The following FRY variants were observed in gnomAD, a reference collection of about 807,000 sequenced individuals.
FRY encodes protein furry homolog.
FRY carries 128 observed loss-of-function variants against 348.4 expected under a neutral mutation model. The ratio of observed to expected loss-of-function variants is 0.37; its 90% confidence interval spans 0.32 to 0.43. The LOEUF (loss-of-function observed/expected upper bound fraction) is 0.43, where lower values mean the gene tolerates loss of function less well. Among genes scored for constraint, FRY ranks in the 20% least tolerant of loss-of-function variants. FRY has a pLI of 1.00. For synonymous variants in FRY, 1,370 were observed against 1,374.7 expected (o/e 1.00, Z 0.08); for missense variants, 2,736 against 3,695.2 (o/e 0.74, Z 6.73).
chr13:32,042,624 C>T (rs1161538909), intron 1 of FRY, among the ~76,000 whole-genome samples: 1 of 152,144 alleles, frequency 6.6e-6, no homozygotes, highest in East Asian at 1.9e-4. Flanking sequence ...CACAGGATGG[C>T]CACCTCAGTT....
rs1051709338 is a variant in FRY at position 32,202,055 on chromosome 13, C to T, written c.3846+15C>T. On this transcript the variant is annotated intron_variant, in intron 30 of 60. Transcript: ENST00000542859. Reference sequence around the variant, plus strand: ...AGCTCATGCAGGCACGTATCATTTACTGGCATAGAAAATATCCATCCTTGA... The same window carrying T: ...AGCTCATGCAGGCACGTATCATTTATTGGCATAGAAAATATCCATCCTTGA... 5.7e-6 allele frequency: 8 copies of T among 1,415,152 alleles called. No individual in the cohort carries two copies. Among genetic ancestry groups the T allele is most frequent in the South Asian group, 1.2e-5 (1 of 86,954 alleles). 87.7% of individuals were successfully genotyped at this position (1,415,152 alleles called of 1,614,324 possible).
intron 1 of FRY, among the ~76,000 whole-genome samples, chr13:32,075,531 C>A (rs1164741975): frequency 6.6e-6 from 1 of 152,206 alleles, no homozygotes; most frequent in Non-Finnish European, 1.5e-5. Flanking sequence ...CAAGCAAATG[C>A]TGTGAGAGGG....
chr13:32,277,677 T>C (rs17592921), intron 57 of FRY, among the ~76,000 whole-genome samples: 1 of 152,210 alleles, frequency 6.6e-6, no homozygotes, highest in Non-Finnish European at 1.5e-5. Flanking sequence ...TTGGGGTTTG[T>C]TTATTGCTAT....
intron 1 of FRY, among the ~76,000 whole-genome samples, chr13:32,049,484 G>C (rs185206085): frequency 2.5e-4 from 38 of 152,262 alleles, no homozygotes; most frequent in African/African-American, 9.1e-4. Context: ...CTGTCGGCTG[G>C]AGTGCAGTGG....
At chr13:32,117,694 CT>C (rs1445847736) in intron 4 of FRY, among the ~76,000 whole-genome samples, 2 of 152,172 alleles carry the variant, frequency 1.3e-5, no homozygotes, top group Non-Finnish European at 2.9e-5. Flanking sequence ...TTTATTTCAA[CT>C]TTGGTGGAGA....
rs530123349 is a variant in FRY, at chr13:32,061,765, C to G, written c.71-17069C>G. The stretch of plus-strand genomic sequence containing the variant: ...ACATTAAATGGGTCCAAATTGCATG[C>G]CACTGCTTTTCCTTTATCAGACAAT... On this transcript the variant is annotated intron_variant, in intron 1 of 60. Transcript: ENST00000542859. 7.2e-5 allele frequency among the ~76,000 whole-genome samples: 11 copies of G among 152,244 alleles called. 1 individual carries two copies. The highest frequency in any genetic ancestry group is 2.6e-4 in the African/African-American group (11 of 41,566).
intron 3 of FRY, among the ~76,000 whole-genome samples, chr13:32,115,061 A>G (rs557079493): frequency 2.0e-5 from 3 of 152,342 alleles, no homozygotes; most frequent in African/African-American, 7.2e-5. Context: ...TCATAACTAA[A>G]GATAATGTAC....
intron 55 of FRY, among the ~76,000 whole-genome samples, chr13:32,270,365 G>A (rs752226166): frequency 8.5e-5 from 13 of 152,048 alleles, no homozygotes; most frequent in Admixed American, 3.9e-4. Flanking sequence ...GCACCACTAC[G>A]CCCAGCTAAT....
intron 48 of FRY, 51 bp from the exon 49 acceptor site, chr13:32,249,475 A>G (rs371005387): frequency 4.4e-6 from 7 of 1,595,430 alleles, no homozygotes; most frequent in African/African-American, 1.3e-5. Context: ...AGGGTTTCAT[A>G]TATCACAAAA....
chr13:32,116,492 A>G (rs1416696129), intron 3 of FRY, among the ~76,000 whole-genome samples: 7 of 152,154 alleles, frequency 4.6e-5, no homozygotes, highest in African/African-American at 1.4e-4. Context: ...CATTATATGA[A>G]ATTTTATCAT....
chr13:32,192,710 C>G (rs1387403366), intron 28 of FRY, among the ~76,000 whole-genome samples: 2 of 146,130 alleles, frequency 1.4e-5, no homozygotes, highest in African/African-American at 5.0e-5. Context: ...GAAGAGTGAA[C>G]AACTTTAAGA....
At position 32,278,449 on chromosome 13, in the gene FRY, C is replaced by G; in HGVS notation, c.8386-16C>G. 7.1e-7 allele frequency: 1 copy of G among 1,417,202 alleles called. No individual in the cohort carries two copies. Among genetic ancestry groups the G allele is most frequent in the South Asian group, 1.1e-5 (1 of 87,016 alleles). The allele number at this position is 1,417,202 out of a possible 1,614,324, so 87.8% of individuals were successfully genotyped here. A position where few individuals can be genotyped will look rare whatever the true frequency, so the allele number is the denominator to read the frequency against. ...ATTGCTGAATTTACCTATGTCTTTC[C>G]CTCTCTTTCTGACAGTGGCTTGCAA... On this transcript the variant is annotated splice_polypyrimidine_tract_variant and intron_variant, in intron 57 of 60. Transcript: ENST00000542859.
At position 32,146,312 on chromosome 13, in the gene FRY, TTTG is replaced by T. The variant is rs752935591; in HGVS notation, c.1180-958_1180-956del. 9.9e-5 allele frequency among the ~76,000 whole-genome samples: 15 copies of T among 152,212 alleles called. No homozygotes were observed. The East Asian group carries it at 1.2e-3, about 12-fold the overall frequency. ...TGGATTTAAGGTTCATCTGAGTTTT[TTTG>T]TTGTTGTTGTTTGTTTTTGTTTTTG... On this transcript the variant is annotated intron_variant, in intron 11 of 60. Transcript: ENST00000542859.
intron 2 of FRY, among the ~76,000 whole-genome samples, chr13:32,082,257 CACA>C (rs1385547042): frequency 6.7e-6 from 1 of 149,852 alleles, no homozygotes; most frequent in Non-Finnish European, 1.5e-5. Context: ...AAAAATGTTC[CACA>C]AAACAAATTT....
chr13:32,190,435 G>A (rs1265523701), intron 28 of FRY, among the ~76,000 whole-genome samples: 2 of 152,102 alleles, frequency 1.3e-5, no homozygotes, highest in East Asian at 3.8e-4. Flanking sequence ...TAGATAAAGT[G>A]TTGGAATTAA....
rs201081873 is a variant in FRY at position 32,187,587 on chromosome 13, T to C, written c.3522T>C (p.Asn1174=). The change falls in exon 28 of 61, where the codon AAT becomes AAC. Residue 1174 remains asparagine, a synonymous_variant. Transcript: ENST00000542859. ...AVLCCGPVFD[N]VGLSPDGYLY... Reference sequence around the variant, plus strand: ...TGTGCTGTGGCCCTGTCTTTGACAATGTGGGCCTTTCCCCAGATGGCTACC... The same window carrying C: ...TGTGCTGTGGCCCTGTCTTTGACAACGTGGGCCTTTCCCCAGATGGCTACC... 3.7e-6 allele frequency: 6 copies of C among 1,612,652 alleles called. No individual in the cohort carries two copies. The highest frequency in any genetic ancestry group is 4.5e-5 in the East Asian group (2 of 44,854).
chr13:32,228,199 A>T (rs1885701108), intron 39 of FRY, among the ~76,000 whole-genome samples: 2 of 152,244 alleles, frequency 1.3e-5, no homozygotes, highest in Non-Finnish European at 2.9e-5. Context: ...GAAAGTATCA[A>T]CTAAAATAGC....
At position 32,247,382 on chromosome 13, in the gene FRY, C is replaced by G. The variant is rs779228799; in HGVS notation, c.6888C>G (p.Ser2296Arg). The change falls in exon 48 of 61, where the codon AGC (serine) becomes AGG (arginine). Residue 2296 changes from serine (S) to arginine (R), a missense_variant. Around this residue, in one of 9 missense-constraint regions of FRY, gnomAD observed 789 missense variants for 996.2 expected, o/e 0.79. Transcript: ENST00000542859. The stretch of plus-strand genomic sequence containing the variant: ...AGCTGGTAGTTTCTCGGTCAGCCAG[C>G]CTTGTTTTACCTTCATACCAGCACA... The part of the protein sequence containing the change: ...ILKLVVSRSA[S>R]LVLPSYQHSD... 6.2e-7 allele frequency: 1 copy of G among 1,613,392 alleles called. No homozygotes were observed. The highest frequency in any genetic ancestry group is 8.5e-7 in the Non-Finnish European group (1 of 1,179,364).
At chr13:32,105,683 T>C (rs2138647815) in intron 3 of FRY, among the ~76,000 whole-genome samples, 1 of 152,292 alleles carries the variant, frequency 6.6e-6, no homozygotes, top group East Asian at 1.9e-4. Flanking sequence ...GTAGGAGTAG[T>C]TGTAATAGTA....
Sources: allele counts gnomAD v4.1 joint callset (sites outside exome capture counted in the v4.1 genomes callset), GRCh38; gene constraint gnomAD v4.1.1; regional missense constraint gnomAD v4.1.1; transcripts MANE v1.5; gene names NCBI Gene and HGNC (gene_info 2026-07-23, HGNC 2026-07-21).